The following BCKDHB variants were observed in gnomAD, a reference collection of about 807,000 sequenced individuals.
BCKDHB encodes branched chain keto acid dehydrogenase E1 subunit beta.
BCKDHB carries 41 observed loss-of-function variants against 48.5 expected under a neutral mutation model. The observed-to-expected ratio is 0.85, with a 90% CI of 0.66 to 1.10. BCKDHB has a LOEUF of 1.10. Ranked by LOEUF, BCKDHB falls within the 50% of genes least tolerant of loss-of-function variation. The pLI, the probability that BCKDHB is intolerant of heterozygous loss-of-function variation, is 0.00. For synonymous variants in BCKDHB, 201 were observed against 174.8 expected, an observed-to-expected ratio of 1.15 and a Z score of -1.18; for missense variants, 496 against 494.2, an observed-to-expected ratio of 1.00 and a Z score of -0.03.
At chr6:80,351,308 G>A in the BCKDHB span, among the ~76,000 whole-genome samples, 3 of 152,110 alleles carry the variant, frequency 2.0e-5, no homozygotes, top group African/African-American at 4.8e-5. Flanking sequence ...GCTTTAAGGT[G>A]TCTATGTGTG....
chr6:80,307,327 T>C (rs113015848), intron 9 of BCKDHB, among the ~76,000 whole-genome samples: 40 of 152,358 alleles, frequency 2.6e-4, no homozygotes, highest in African/African-American at 9.4e-4. Context: ...ACAAAGTGGC[T>C]TGTGCATTGA....
intron 9 of BCKDHB, among the ~76,000 whole-genome samples, chr6:80,281,252 C>T (rs1479415986): frequency 1.3e-5 from 2 of 151,964 alleles, no homozygotes; most frequent in African/African-American, 4.8e-5. Context: ...GAAGAAGAAG[C>T]TGCCTGGGTT....
chr6:80,406,099 G>A, the BCKDHB span, among the ~76,000 whole-genome samples: 1 of 151,992 alleles, frequency 6.6e-6, no homozygotes, highest in African/African-American at 2.4e-5. Flanking sequence ...CCTCTTGTTA[G>A]TTTGCTGAGA....
the BCKDHB span, among the ~76,000 whole-genome samples, chr6:80,380,792 C>G: frequency 6.6e-6 from 1 of 151,718 alleles, no homozygotes; most frequent in Non-Finnish European, 1.5e-5. Context: ...AGATGTTTCT[C>G]AAAAAAAGAA....
intron 3 of BCKDHB, among the ~76,000 whole-genome samples, chr6:80,146,908 T>C (rs777276617): frequency 1.3e-5 from 2 of 152,158 alleles, no homozygotes; most frequent in Non-Finnish European, 2.9e-5. Context: ...TGTGTGGACA[T>C]GTGCTCAGCT....
chr6:80,447,352 T>C, the BCKDHB span, among the ~76,000 whole-genome samples: 2 of 151,920 alleles, frequency 1.3e-5, no homozygotes, highest in African/African-American at 4.8e-5. Flanking sequence ...CAGCTTTGAG[T>C]ATACAAGCAT....
chr6:80,335,517 G>A (rs1191415180), intron 9 of BCKDHB, among the ~76,000 whole-genome samples: 1 of 152,046 alleles, frequency 6.6e-6, no homozygotes, highest in African/African-American at 2.4e-5. Flanking sequence ...AAATTTGAGA[G>A]CATTGCCTTT....
chr6:80,184,307 C>G (rs1459026965), intron 6 of BCKDHB, among the ~76,000 whole-genome samples: 2 of 152,154 alleles, frequency 1.3e-5, no homozygotes, highest in Non-Finnish European at 2.9e-5. Flanking sequence ...CTTTCTCCAT[C>G]CCTTTACCTT....
intron 8 of BCKDHB, among the ~76,000 whole-genome samples, chr6:80,205,705 A>T (rs1175811302): frequency 6.6e-6 from 1 of 152,032 alleles, no homozygotes; most frequent in Non-Finnish European, 1.5e-5. Flanking sequence ...GATATTAAAA[A>T]GCTAAGCTGG....
At position 80,334,892 on chromosome 6, in the gene BCKDHB, G is replaced by A. The variant is rs374415291; in HGVS notation, c.1039-8772G>A. ...ATATTTCAGTCATCATTTTTTATAT[G>A]TATATATATATACTTTTTATTTTGT... On this transcript the variant is annotated intron_variant, in intron 9 of 9. Coordinates refer to ENST00000320393, the MANE Select transcript of BCKDHB (RefSeq NM_183050.4). Among the ~76,000 whole-genome samples, 4 of 151,508 alleles carry A rather than the reference G, an allele frequency of 2.6e-5. No individual in the cohort carries two copies. The East Asian group carries it at 5.8e-4, about 22-fold the overall frequency.
the BCKDHB span, among the ~76,000 whole-genome samples, chr6:80,399,827 C>CCACCTGACTTCA: frequency 6.6e-6 from 1 of 150,740 alleles, no homozygotes; most frequent in Non-Finnish European, 1.5e-5. Context: ...AGGCATCATG[C>CCACCTGACTTCA]AACTATTCTA....
At chr6:80,389,677 C>T in the BCKDHB span, among the ~76,000 whole-genome samples, 1,166 of 152,210 alleles carry the variant, frequency 7.7e-3, 12 homozygotes, top group African/African-American at 0.027. Context: ...TTTACCATGT[C>T]CCCATTATCC....
At chr6:80,107,504 T>G (rs1374827460) in intron 1 of BCKDHB, among the ~76,000 whole-genome samples, 1 of 125,054 alleles carries the variant, frequency 8.0e-6, no homozygotes, top group Non-Finnish European at 1.6e-5. Flanking sequence ...TATATGCATA[T>G]ATATGTGCGC....
At chr6:80,237,554 C>G (rs543169937) in intron 8 of BCKDHB, among the ~76,000 whole-genome samples, 32 of 152,102 alleles carry the variant, frequency 2.1e-4, no homozygotes, top group Non-Finnish European at 3.5e-4. Context: ...TGTCAGATAC[C>G]TTGTTAAGCA....
rs1049658494 is a variant in BCKDHB at position 80,345,822 on chromosome 6, A to G, written c.*2018A>G. On this transcript the variant is annotated 3_prime_UTR_variant, in exon 10 of 10. Coordinates refer to ENST00000320393, the MANE Select transcript of BCKDHB (RefSeq NM_183050.4). ...TATTCAGATGTGGTTTTAAATTTAGATTATGTATTCCTTTTGAAACATAAG... is the reference window on the plus strand; with the variant it reads ...TATTCAGATGTGGTTTTAAATTTAGGTTATGTATTCCTTTTGAAACATAAG... 2.6e-5 allele frequency: 4 copies of G among 151,920 alleles called. No individual in the cohort carries two copies. The highest frequency in any genetic ancestry group is 5.9e-5 in the Non-Finnish European group (4 of 67,980). 9.4% of individuals were successfully genotyped at this position (151,920 alleles called of 1,614,324 possible). A position where few individuals can be genotyped will look rare whatever the true frequency, so the allele number is the denominator to read the frequency against.
At chr6:80,278,873 T>G (rs937859355) in intron 9 of BCKDHB, among the ~76,000 whole-genome samples, 1 of 152,162 alleles carries the variant, frequency 6.6e-6, no homozygotes, top group African/African-American at 2.4e-5. Flanking sequence ...TGGTTACTCT[T>G]GAAACCTTCA....
chr6:80,427,761 A>G, the BCKDHB span, among the ~76,000 whole-genome samples: 5 of 152,134 alleles, frequency 3.3e-5, no homozygotes, highest in Admixed American at 3.3e-4. Context: ...TTTTCTTCAA[A>G]TCTTTGAAGA....
chr6:80,362,194 G>C, the BCKDHB span, among the ~76,000 whole-genome samples: 1 of 152,078 alleles, frequency 6.6e-6, no homozygotes, highest in Non-Finnish European at 1.5e-5. Flanking sequence ...TTTCTTCTCT[G>C]TGATGGTCAA....
At chr6:80,122,497 A>C (rs1770082737) in intron 1 of BCKDHB, among the ~76,000 whole-genome samples, 2 of 152,204 alleles carry the variant, frequency 1.3e-5, no homozygotes, top group South Asian at 4.1e-4. Flanking sequence ...CTGAGAAATA[A>C]AGAGAAAGAG....
Sources: allele counts gnomAD v4.1 joint callset (sites outside exome capture counted in the v4.1 genomes callset), GRCh38; gene constraint gnomAD v4.1.1; transcripts MANE v1.5; gene names NCBI Gene and HGNC (gene_info 2026-07-23, HGNC 2026-07-21).